Variants in UCK2 observed in about 807,000 individuals in gnomAD.
UCK2 encodes the protein cytidine monophosphokinase 2.
In UCK2, 6 loss-of-function variants were observed where a neutral mutation model predicts 30.8. The ratio of observed to expected loss-of-function variants is 0.19; its 90% CI spans 0.11 to 0.38. UCK2 has a LOEUF of 0.38. Among genes scored for constraint, UCK2 ranks in the 10% least tolerant of loss-of-function variants. UCK2 has a pLI of 1.00. For synonymous variants in UCK2, 125 were observed against 133.6 expected (o/e 0.94, Z 0.45); for missense variants, 210 against 339.8 (o/e 0.62, Z 3.00).
intron 1 of UCK2, among the ~76,000 whole-genome samples, chr1:165,838,424 T>C (rs796615126): frequency 1.3e-5 from 2 of 152,200 alleles, no homozygotes; most frequent in Non-Finnish European, 2.9e-5. Context: ...TCTCTTGATA[T>C]CAGTATCGTT....
intron 6 of UCK2, 23 bp from the exon 7 acceptor site, chr1:165,907,661 C>T (rs757662546): frequency 6.2e-6 from 10 of 1,612,994 alleles, no homozygotes; most frequent in Non-Finnish European, 7.6e-6. Context: ...ACCCGTAACG[C>T]TCTGCTGGTC....
At chr1:165,828,644 C>T (rs1184039723) in intron 1 of UCK2, among the ~76,000 whole-genome samples, 3 of 152,142 alleles carry the variant, frequency 2.0e-5, no homozygotes, top group African/African-American at 7.2e-5. Context: ...CTTCGGTGTC[C>T]AGGACGTACG....
intron 4 of UCK2, among the ~76,000 whole-genome samples, chr1:165,899,617 G>A (rs1647387779): frequency 6.6e-6 from 1 of 152,230 alleles, no homozygotes. Context: ...AATGTGGGCA[G>A]ACTTGTAGCT....
chr1:165,840,100 G>A (rs1297216048), intron 1 of UCK2, among the ~76,000 whole-genome samples: 1 of 152,166 alleles, frequency 6.6e-6, no homozygotes, highest in Non-Finnish European at 1.5e-5. Flanking sequence ...TGTATTTTTA[G>A]TAGAGGCGGG....
At chr1:165,904,382 A>G (rs3790674) in intron 5 of UCK2, among the ~76,000 whole-genome samples, 61,382 of 151,946 alleles carry the variant, frequency 0.4, 13,572 homozygotes, top group African/African-American at 0.58. Context: ...GAGACTATTG[A>G]GTTACAAGAG....
At chr1:165,860,588 A>G (rs1253103657) in intron 1 of UCK2, among the ~76,000 whole-genome samples, 1 of 152,054 alleles carries the variant, frequency 6.6e-6, no homozygotes, top group African/African-American at 2.4e-5. Flanking sequence ...AGCTGGGACT[A>G]CAGGTGCACA....
chr1:165,891,738 A>G (rs1467915387), intron 3 of UCK2: 1 of 173,060 alleles, frequency 5.8e-6, no homozygotes, highest in East Asian at 1.7e-4. Flanking sequence ...GACAATGTGG[A>G]GAGGCATGAG....
intron 1 of UCK2, among the ~76,000 whole-genome samples, chr1:165,873,631 C>A (rs892648823): frequency 6.6e-6 from 1 of 152,124 alleles, no homozygotes; most frequent in Non-Finnish European, 1.5e-5. Context: ...ATCAGTAAAA[C>A]CTCCATATTC....
At chr1:165,860,142 A>G (rs1351782104) in intron 1 of UCK2, among the ~76,000 whole-genome samples, 1 of 152,226 alleles carries the variant, frequency 6.6e-6, no homozygotes, top group Non-Finnish European at 1.5e-5. Flanking sequence ...ACTGCGGGGC[A>G]GATTCAAGAT....
chr1:165,831,706 C>T (rs1008725769), intron 1 of UCK2, among the ~76,000 whole-genome samples: 2 of 152,206 alleles, frequency 1.3e-5, no homozygotes, highest in Non-Finnish European at 2.9e-5. Context: ...AGGTCAAACA[C>T]TTCAGTACAG....
chr1:165,835,993 C>T (rs557868645), intron 1 of UCK2, among the ~76,000 whole-genome samples: 1 of 152,250 alleles, frequency 6.6e-6, no homozygotes, highest in South Asian at 2.1e-4. Flanking sequence ...CTTTGAGAGG[C>T]CTAGGCAGGC....
chr1:165,872,213 C>A (rs750540679), intron 1 of UCK2, among the ~76,000 whole-genome samples: 15 of 152,058 alleles, frequency 9.9e-5, no homozygotes, highest in Non-Finnish European at 1.8e-4. Context: ...TAGCTGGGAT[C>A]ATAGGTGTGT....
chr1:165,827,739 C>A lies in UCK2; in HGVS notation c.-95C>A. On this transcript the variant is annotated 5_prime_UTR_variant, in exon 1 of 7. Coordinates refer to ENST00000367879, the MANE Select transcript of UCK2 (RefSeq NM_012474.5). ...CGGCCTCAGCCCCGGCAGCGCCCAGCGGCGGCTGCGGAAAGCGGAGGGAGT... is the reference window on the plus strand; with the variant it reads ...CGGCCTCAGCCCCGGCAGCGCCCAGAGGCGGCTGCGGAAAGCGGAGGGAGT... 1 of 1,125,788 alleles carries A rather than the reference C, an allele frequency of 8.9e-7. No homozygotes were observed. The highest frequency in any genetic ancestry group is 1.1e-6 in the Non-Finnish European group (1 of 875,954). 69.7% of individuals were successfully genotyped at this position (1,125,788 alleles called of 1,614,324 possible). A position where few individuals can be genotyped will look rare whatever the true frequency, so the allele number is the denominator to read the frequency against.
At chr1:165,853,520 CTT>C (rs769678523) in intron 1 of UCK2, among the ~76,000 whole-genome samples, 6 of 143,104 alleles carry the variant, frequency 4.2e-5, no homozygotes, top group Admixed American at 7.0e-5. Flanking sequence ...CAGAAAGGAT[CTT>C]TTTTTTTTTT....
At chr1:165,854,076 C>T (rs1039733783) in intron 1 of UCK2, among the ~76,000 whole-genome samples, 1 of 152,194 alleles carries the variant, frequency 6.6e-6, no homozygotes, top group African/African-American at 2.4e-5. Flanking sequence ...ACTTTAGGTG[C>T]CATTCCTATC....
chr1:165,867,325 G>C (rs1655071856), intron 1 of UCK2, among the ~76,000 whole-genome samples: 1 of 152,124 alleles, frequency 6.6e-6, no homozygotes, highest in Admixed American at 6.6e-5. Context: ...AATGAAGTTT[G>C]CCACGTTGAT....
intron 1 of UCK2, among the ~76,000 whole-genome samples, chr1:165,840,953 A>G (rs1482727300): frequency 6.6e-6 from 1 of 152,162 alleles, no homozygotes; most frequent in Non-Finnish European, 1.5e-5. Flanking sequence ...TATTCCCAGC[A>G]CCACAGAAAG....
At chr1:165,860,252 C>A (rs891247780) in intron 1 of UCK2, among the ~76,000 whole-genome samples, 2 of 152,268 alleles carry the variant, frequency 1.3e-5, no homozygotes, top group Middle Eastern at 6.8e-3. Flanking sequence ...CCACCTTTGT[C>A]CCCACCCTCC....
chr1:165,831,350 C>A (rs1047866486), intron 1 of UCK2, among the ~76,000 whole-genome samples: 7 of 152,166 alleles, frequency 4.6e-5, no homozygotes, highest in African/African-American at 1.7e-4. Context: ...TGCCACTGTA[C>A]TCCAGACTGG....
Sources: allele counts gnomAD v4.1 joint callset (sites outside exome capture counted in the v4.1 genomes callset), GRCh38; gene constraint gnomAD v4.1.1; transcripts MANE v1.5; gene names NCBI Gene and HGNC (gene_info 2026-07-23, HGNC 2026-07-21).